Variants in LRFN2 observed in about 807,000 individuals in gnomAD.
LRFN2 encodes leucine-rich repeat and fibronectin type-III domain-containing protein 2.
LRFN2 carries 18 observed loss-of-function variants against 37.3 expected under a neutral mutation model. The ratio of observed to expected loss-of-function variants is 0.48; its 90% CI spans 0.33 to 0.72. The LOEUF (loss-of-function observed/expected upper bound fraction) is 0.72. Ranked by LOEUF, LRFN2 falls within the 30% of genes least tolerant of loss-of-function variation. The pLI is 0.02. For synonymous variants in LRFN2, 556 were observed against 466.6 expected (o/e 1.19, Z -2.47); for missense variants, 1,006 against 1,060.7 (o/e 0.95, Z 0.72).
At chr6:40,566,852 T>G (rs768166483) in intron 1 of LRFN2, among the ~76,000 whole-genome samples, 8 of 152,010 alleles carry the variant, frequency 5.3e-5, no homozygotes, top group South Asian at 2.1e-4. Flanking sequence ...ACCTGCACAT[T>G]GTGCACATGT....
At chr6:40,510,168 G>T (rs890435444) in intron 1 of LRFN2, among the ~76,000 whole-genome samples, 27 of 152,048 alleles carry the variant, frequency 1.8e-4, no homozygotes, top group African/African-American at 6.5e-4. Context: ...TAGGAGGGGT[G>T]GGTGCATGCA....
At chr6:40,581,946 C>A (rs1410253142) in intron 1 of LRFN2, among the ~76,000 whole-genome samples, 2 of 152,172 alleles carry the variant, frequency 1.3e-5, no homozygotes, top group Non-Finnish European at 2.9e-5. Flanking sequence ...GACCCCCTGG[C>A]TTCTTTGACT....
At chr6:40,470,831 G>C (rs910139789) in intron 1 of LRFN2, among the ~76,000 whole-genome samples, 1 of 152,174 alleles carries the variant, frequency 6.6e-6, no homozygotes, top group Non-Finnish European at 1.5e-5. Context: ...ACCTCCAGGG[G>C]AACACCAGGG....
chr6:40,471,727 C>A (rs145655695), intron 1 of LRFN2, among the ~76,000 whole-genome samples: 1 of 152,188 alleles, frequency 6.6e-6, no homozygotes, highest in African/African-American at 2.4e-5. Context: ...CCACTCAGAC[C>A]AGTATCCATC....
chr6:40,524,415 A>T, intron 1 of LRFN2, among the ~76,000 whole-genome samples: 1 of 116,792 alleles, frequency 8.6e-6, no homozygotes, highest in African/African-American at 3.3e-5. Context: ...TCTAACACAC[A>T]CTGACACATA....
intron 2 of LRFN2, among the ~76,000 whole-genome samples, chr6:40,410,928 C>T (rs1048079634): frequency 1.3e-5 from 2 of 152,232 alleles, no homozygotes; most frequent in Non-Finnish European, 2.9e-5. Context: ...AATTATCCTC[C>T]TTCCTCTGTC....
At chr6:40,487,471 C>G (rs1764989755) in intron 1 of LRFN2, among the ~76,000 whole-genome samples, 1 of 152,218 alleles carries the variant, frequency 6.6e-6, no homozygotes, top group Admixed American at 6.5e-5. Flanking sequence ...CGCAGCCTTC[C>G]TCATCTCACT....
In LRFN2 at chr6:40,424,810, C is replaced by G. The variant is rs570997397; in HGVS notation, c.1400+6904G>C. 1.3e-4 allele frequency among the ~76,000 whole-genome samples: 20 copies of G among 152,290 alleles called. No individual in the cohort carries two copies. In the Middle Eastern group the frequency reaches 0.01, roughly 78 times the overall value. ...GTCCTGTTCCTGGCATGCCCCACTCCCTTTAGAGAACACCTGTCCCTAACA... is the reference window on the plus strand; with the variant it reads ...GTCCTGTTCCTGGCATGCCCCACTCGCTTTAGAGAACACCTGTCCCTAACA... On this transcript the variant is annotated intron_variant, in intron 2 of 2. Transcript: ENST00000338305.
At chr6:40,580,293 A>C (rs1767374551) in intron 1 of LRFN2, among the ~76,000 whole-genome samples, 1 of 152,204 alleles carries the variant, frequency 6.6e-6, no homozygotes, top group African/African-American at 2.4e-5. Context: ...AGCTTCTAGC[A>C]GACTGAGAGC....
chr6:40,416,798 GA>G (rs1209634896), intron 2 of LRFN2, among the ~76,000 whole-genome samples: 2 of 152,092 alleles, frequency 1.3e-5, no homozygotes, highest in Non-Finnish European at 2.9e-5. Flanking sequence ...CCAGTCCCAG[GA>G]AAAAACCCAC....
rs577341284 is a variant in LRFN2, at chr6:40,498,006, C to T, written c.-18-64875G>A. The stretch of plus-strand genomic sequence containing the variant: ...GAATCACTTCTGGGGTGTCTGCCTA[C>T]TGGGGTGCTGAGGGGAGCAAAGGAT... On this transcript the variant is annotated intron_variant, in intron 1 of 2. Transcript: ENST00000338305. Among the ~76,000 whole-genome samples the T allele has an allele frequency of 4.6e-5, 7 of 152,236 alleles. No homozygotes were observed. In the East Asian group the frequency reaches 1.4e-3, roughly 29 times the overall value.
At chr6:40,581,679 C>T (rs917259605) in intron 1 of LRFN2, among the ~76,000 whole-genome samples, 9 of 152,214 alleles carry the variant, frequency 5.9e-5, no homozygotes, top group Non-Finnish European at 1.0e-4. Flanking sequence ...ATCTTACAGT[C>T]ATTGTTAGGC....
intron 2 of LRFN2, among the ~76,000 whole-genome samples, chr6:40,407,561 AT>A (rs1167351628): frequency 1.3e-5 from 2 of 152,242 alleles, no homozygotes; most frequent in Non-Finnish European, 2.9e-5. Flanking sequence ...GCTACTTGTC[AT>A]TTATCTCCTG....
chr6:40,494,426 C>T (rs1765173099), intron 1 of LRFN2, among the ~76,000 whole-genome samples: 1 of 152,058 alleles, frequency 6.6e-6, no homozygotes, highest in African/African-American at 2.4e-5. Context: ...CAAAATGCTG[C>T]CTTTGAAAAA....
At chr6:40,482,691 C>A (rs1039065150) in intron 1 of LRFN2, among the ~76,000 whole-genome samples, 3 of 152,232 alleles carry the variant, frequency 2.0e-5, no homozygotes, top group Non-Finnish European at 4.4e-5. Context: ...CAGCTTCCCC[C>A]ACTGCGCCCT....
intron 1 of LRFN2, among the ~76,000 whole-genome samples, chr6:40,556,125 G>A (rs2395749): frequency 0.47 from 72,095 of 151,964 alleles, 18,147 homozygotes; most frequent in African/African-American, 0.64. Flanking sequence ...CCCGCACCAT[G>A]CTGCAGTCTG....
intron 1 of LRFN2, among the ~76,000 whole-genome samples, chr6:40,503,106 T>C (rs574922538): frequency 6.6e-6 from 1 of 151,924 alleles, no homozygotes; most frequent in Admixed American, 6.5e-5. Flanking sequence ...AAGATGGAGG[T>C]TGGGTGGGCC....
intron 1 of LRFN2, among the ~76,000 whole-genome samples, chr6:40,580,833 G>A (rs116092476): frequency 3.1e-3 from 470 of 152,314 alleles, no homozygotes; most frequent in African/African-American, 0.011. Flanking sequence ...ATGAACGTGT[G>A]TACATGAATG....
intron 1 of LRFN2, among the ~76,000 whole-genome samples, chr6:40,504,708 C>A (rs1047988013): frequency 1.8e-4 from 27 of 152,150 alleles, no homozygotes; most frequent in African/African-American, 6.5e-4. Flanking sequence ...TCACCAAGAC[C>A]AAGAAACAGG....
Sources: gnomAD v4.1 joint callset for allele counts (sites outside exome capture counted in the v4.1 genomes callset) on GRCh38, gnomAD v4.1.1 for gene constraint, MANE v1.5 for transcripts, NCBI Gene and HGNC (gene_info 2026-07-23, HGNC 2026-07-21) for gene names.